Variants in ZC3H15 observed in about 807,000 individuals in gnomAD.
ZC3H15 encodes zinc finger CCCH-type containing 15, also known as zinc finger CCCH domain-containing protein 15.
A neutral mutation model predicts 51.2 loss-of-function variants in ZC3H15; 15 were observed. That is an observed-to-expected ratio of 0.29 (90% confidence interval 0.20 to 0.45). The LOEUF is 0.45. ZC3H15 is among the 20% of genes least tolerant of loss of function. The probability of loss-of-function intolerance (pLI) is 1.00; values close to 1 mark genes in which losing one functional copy is unlikely to be tolerated. For missense variants in ZC3H15, 381 were observed against 494.7 expected (o/e 0.77, Z 2.18); for synonymous variants, 144 against 162.8 (o/e 0.88, Z 0.88).
chr2:186,501,544 T>C (rs1323716872), intron 4 of ZC3H15, 119 bp downstream of exon 4: 1 of 825,758 alleles, frequency 1.2e-6, no homozygotes, highest in African/African-American at 1.7e-5. Flanking sequence ...AAAAAATAAT[T>C]AATTGGGTTT....
chr2:186,495,525 CATTT>C (rs1161063328), intron 2 of ZC3H15, among the ~76,000 whole-genome samples, 191 bp downstream of exon 2: 3 of 152,158 alleles, frequency 2.0e-5, no homozygotes, highest in African/African-American at 7.2e-5. Flanking sequence ...ATATAACTCT[CATTT>C]ATTCTAATAA....
At chr2:186,506,033 G>A in intron 8 of ZC3H15, 192 bp downstream of exon 8, 1 of 692,314 alleles carries the variant, frequency 1.4e-6, no homozygotes, top group Non-Finnish European at 2.6e-6. Context: ...CTACATCATA[G>A]TTTGTGAGAA....
chr2:186,502,158 T>C (rs1685395824), intron 4 of ZC3H15, among the ~76,000 whole-genome samples: 1 of 151,986 alleles, frequency 6.6e-6, no homozygotes, highest in Non-Finnish European at 1.5e-5. Context: ...AAGACCAGCA[T>C]AGGCAACATA....
At chr2:186,504,350 C>A (rs1685434057) in intron 6 of ZC3H15, 136 bp downstream of exon 6, 2 of 694,574 alleles carry the variant, frequency 2.9e-6, no homozygotes, top group South Asian at 3.2e-5. Flanking sequence ...AGTTGCCCTA[C>A]TTTAATTATT....
chr2:186,499,615 A>G, intron 2 of ZC3H15: 1 of 455,296 alleles, frequency 2.2e-6, no homozygotes, highest in South Asian at 1.6e-5. Flanking sequence ...GTCATCTAAC[A>G]TAGGACCTGA....
At chr2:186,490,423 C>T (rs1166301252) in intron 1 of ZC3H15, among the ~76,000 whole-genome samples, 2 of 152,184 alleles carry the variant, frequency 1.3e-5, no homozygotes, top group East Asian at 3.9e-4. Flanking sequence ...ATCCAGGTGT[C>T]GTGAAAGATG....
chr2:186,506,157 G>C (rs974094751), intron 8 of ZC3H15: 2 of 391,692 alleles, frequency 5.1e-6, no homozygotes, highest in Non-Finnish European at 9.7e-6. Context: ...CCCTCTAAAA[G>C]AGAGAGTTAT....
chr2:186,506,358 T>C (rs1685467414), intron 8 of ZC3H15, among the ~76,000 whole-genome samples: 1 of 152,230 alleles, frequency 6.6e-6, no homozygotes, highest in Non-Finnish European at 1.5e-5. Flanking sequence ...AAAATTGTAC[T>C]CTATATATAA....
chr2:186,506,946 A>AT (rs2105594992), intron 9 of ZC3H15, 110 bp downstream of exon 9: 1 of 1,210,300 alleles, frequency 8.3e-7, no homozygotes, highest in East Asian at 2.4e-5. Flanking sequence ...GGTAACATAA[A>AT]TGTGTGGTTT....
intron 1 of ZC3H15, 51 bp from the exon 2 acceptor site, chr2:186,495,182 A>G (rs375200797): frequency 1.9e-6 from 2 of 1,049,206 alleles, no homozygotes; most frequent in Non-Finnish European, 2.7e-6. Context: ...ATTGGAGGAT[A>G]TATATGGTAA....
intron 6 of ZC3H15, 48 bp from the exon 7 acceptor site, chr2:186,505,403 A>ATTTGAGGTGACT: frequency 6.6e-7 from 1 of 1,508,220 alleles, no homozygotes; most frequent in South Asian, 1.4e-5. Context: ...ACTAAGCACT[A>ATTTGAGGTGACT]TTTGAGGTGA....
intron 9 of ZC3H15, 36 bp from the exon 10 acceptor site, chr2:186,508,507 C>T: frequency 6.3e-7 from 1 of 1,591,284 alleles, no homozygotes; most frequent in Non-Finnish European, 8.6e-7. Context: ...GTGTTTTCTG[C>T]TTCTACGCCT....
chr2:186,505,651 G>A (rs1433194244), intron 7 of ZC3H15, 54 bp downstream of exon 7: 3 of 1,601,246 alleles, frequency 1.9e-6, no homozygotes, highest in African/African-American at 1.3e-5. Flanking sequence ...TTCAATTTCT[G>A]TGTCATGCAA....
chr2:186,506,055 C>T lies in ZC3H15; in HGVS notation c.966+214C>T. 3 of 653,294 alleles carry T rather than the reference C, an allele frequency of 4.6e-6. No homozygotes were observed. The South Asian group carries it at 4.8e-5, about 11-fold the overall frequency. 40.5% of individuals were successfully genotyped at this position (653,294 alleles called of 1,614,324 possible). A position where few individuals can be genotyped will look rare whatever the true frequency, so the allele number is the denominator to read the frequency against. On this transcript the variant is annotated intron_variant, in intron 8 of 9. Coordinates refer to ENST00000337859, the MANE Select transcript of ZC3H15 (RefSeq NM_018471.3). The stretch of plus-strand genomic sequence containing the variant: ...ATAGTTTGTGAGAATTAATCGAGTT[C>T]ATGAATTAGTAGTTCTTTATACAGC...
chr2:186,504,109 TTGCA>T lies in ZC3H15; in HGVS notation c.615_618del (p.Met206IlefsTer11). The T allele has an allele frequency of 6.2e-7, 1 of 1,610,188 alleles. No individual in the cohort carries two copies. Among genetic ancestry groups the T allele is most frequent in the Non-Finnish European group, 8.5e-7 (1 of 1,178,094 alleles). On this transcript the variant is annotated frameshift_variant, in exon 6 of 10. Transcript: ENST00000337859. LOFTEE classifies it high-confidence loss of function. ...GGGTATGCCCTGGAGGGGGTGATATTTGCATGTATCGTCATGCACTTCCTCCTGG... is the reference window on the plus strand; with the variant it reads ...GGGTATGCCCTGGAGGGGGTGATATTTGTATCGTCATGCACTTCCTCCTGG...
At chr2:186,507,139 A>G (rs1297548965) in intron 9 of ZC3H15, among the ~76,000 whole-genome samples, 1 of 152,218 alleles carries the variant, frequency 6.6e-6, no homozygotes, top group Non-Finnish European at 1.5e-5. Context: ...ACTGTCTAGG[A>G]TATTGTGTAG....
chr2:186,502,725 G>A (rs531516618), intron 5 of ZC3H15, 138 bp downstream of exon 5: 172 of 632,528 alleles, frequency 2.7e-4, no homozygotes, highest in African/African-American at 2.6e-3. Flanking sequence ...TAAGGTACAC[G>A]AAGCTTTATT....
At chr2:186,502,779 T>C (rs1283385753) in intron 5 of ZC3H15, among the ~76,000 whole-genome samples, 192 bp downstream of exon 5, 2 of 152,156 alleles carry the variant, frequency 1.3e-5, no homozygotes, top group Non-Finnish European at 2.9e-5. Flanking sequence ...TGTTCAGAAA[T>C]AGCTGAACAA....
chr2:186,500,413 C>A, intron 3 of ZC3H15, 120 bp downstream of exon 3: 1 of 896,786 alleles, frequency 1.1e-6, no homozygotes, highest in Non-Finnish European at 1.7e-6. Context: ...GAAAATGTTA[C>A]TCCATCAAAA....
Sources: gnomAD v4.1 joint callset for allele counts (sites outside exome capture counted in the v4.1 genomes callset) on GRCh38, gnomAD v4.1.1 for gene constraint, MANE v1.5 for transcripts, NCBI Gene and HGNC (gene_info 2026-07-23, HGNC 2026-07-21) for gene names.